Variants in SEMA3D observed in about 807,000 individuals in gnomAD.
SEMA3D encodes semaphorin 3D.
A neutral mutation model predicts 100.1 loss-of-function variants in SEMA3D; 84 were observed. The observed-to-expected ratio is 0.84, with a 90% CI of 0.70 to 1.01. The LOEUF is 1.01. Among genes scored for constraint, SEMA3D ranks in the 50% least tolerant of loss-of-function variants. SEMA3D has a pLI of 0.00. For missense variants in SEMA3D, 875 were observed against 934.1 expected, an observed-to-expected ratio of 0.94 and a Z score of 0.82; for synonymous variants, 312 against 320.7, an observed-to-expected ratio of 0.97 and a Z score of 0.29.
chr7:85,125,195 C>T (rs1263698121), intron 2 of SEMA3D, among the ~76,000 whole-genome samples: 1 of 151,756 alleles, frequency 6.6e-6, no homozygotes, highest in South Asian at 2.1e-4. Context: ...ATGCATGTAA[C>T]GTGAATGTAT....
chr7:85,154,146 G>T (rs904648444), intron 1 of SEMA3D, among the ~76,000 whole-genome samples: 1 of 151,738 alleles, frequency 6.6e-6, no homozygotes, highest in African/African-American at 2.4e-5. Context: ...CTTACTGCTT[G>T]CTTCTGCTTG....
At position 85,036,979 on chromosome 7, in the gene SEMA3D, T is replaced by G. The variant is rs747768203; in HGVS notation, c.1101A>C (p.Ala367=). The part of the protein sequence containing the change: ...VCVYSMADIR[A]VFNGPYAHKE... ...TATGAGCATATGGACCATTAAAAAC[T>G]GCTCTGATGTCAGCCATGCTATACA... Residue 367 remains alanine (A), a synonymous_variant, in exon 12 of 19, where the codon GCA becomes GCC. Transcript: ENST00000284136. 2.5e-6 allele frequency: 4 copies of G among 1,613,348 alleles called. No homozygotes were observed. Among genetic ancestry groups the G allele is most frequent in the Non-Finnish European group, 3.4e-6 (4 of 1,179,598 alleles).
chr7:85,109,990 C>A (rs1038827583), intron 3 of SEMA3D, among the ~76,000 whole-genome samples: 1 of 151,902 alleles, frequency 6.6e-6, no homozygotes, highest in Non-Finnish European at 1.5e-5. Context: ...ACAAACCATG[C>A]CCTTTCTAAA....
chr7:85,083,947 A>T (rs1788142005), intron 4 of SEMA3D, among the ~76,000 whole-genome samples: 1 of 151,696 alleles, frequency 6.6e-6, no homozygotes, highest in Admixed American at 6.6e-5. Flanking sequence ...GGAGATCGAG[A>T]CGATCCTGGC....
the SEMA3D span, among the ~76,000 whole-genome samples, chr7:85,209,392 A>G: frequency 3.3e-5 from 5 of 152,084 alleles, no homozygotes; most frequent in East Asian, 5.8e-4. Context: ...TACATACACA[A>G]TCTGGTCCAC....
intron 1 of SEMA3D, among the ~76,000 whole-genome samples, chr7:85,172,947 C>A (rs1791124294): frequency 6.6e-6 from 1 of 151,970 alleles, no homozygotes; most frequent in African/African-American, 2.4e-5. Flanking sequence ...ATAGTGAGAG[C>A]ATTTAACAAA....
the SEMA3D span, among the ~76,000 whole-genome samples, chr7:85,239,290 C>CATTTA: frequency 6.6e-6 from 1 of 152,092 alleles, no homozygotes; most frequent in African/African-American, 2.4e-5. Flanking sequence ...ATGTCTCCAC[C>CATTTA]CTTGTAAATG....
intron 2 of SEMA3D, chr7:85,141,626 T>C: frequency 1.0e-6 from 1 of 984,560 alleles, no homozygotes; most frequent in Non-Finnish European, 1.2e-6. Context: ...CTGGCACATA[T>C]TCTTTCACCC....
At chr7:85,150,346 A>AATATATATATATATATATATATT (rs1790334910) in intron 2 of SEMA3D, among the ~76,000 whole-genome samples, 20 of 121,232 alleles carry the variant, frequency 1.6e-4, no homozygotes, top group African/African-American at 5.6e-4. Flanking sequence ...CTTTTCTAGA[A>AATATATATATATATATATATATT]ATATATATAT....
At chr7:85,083,742 G>A (rs1483794224) in intron 4 of SEMA3D, among the ~76,000 whole-genome samples, 3 of 151,344 alleles carry the variant, frequency 2.0e-5, no homozygotes, top group African/African-American at 2.4e-5. Flanking sequence ...AGCTACTCGG[G>A]AGGCTGAGGC....
chr7:85,120,153 T>G (rs966193358), intron 3 of SEMA3D, among the ~76,000 whole-genome samples: 1 of 152,070 alleles, frequency 6.6e-6, no homozygotes, highest in Non-Finnish European at 1.5e-5. Context: ...AATAGTTGCT[T>G]CATGTAGTTT....
intron 3 of SEMA3D, among the ~76,000 whole-genome samples, chr7:85,105,069 T>C (rs1788872719): frequency 6.6e-6 from 1 of 152,068 alleles, no homozygotes; most frequent in Admixed American, 6.6e-5. Context: ...GTTTTATCAG[T>C]AGGGCTATTC....
chr7:85,151,814 T>C (rs1790431457), intron 2 of SEMA3D: 1 of 747,236 alleles, frequency 1.3e-6, no homozygotes, highest in Non-Finnish European at 1.6e-6. Context: ...ATTTTAAAAT[T>C]CCAAATTTTA....
At chr7:85,182,908 G>T (rs970937975) in intron 1 of SEMA3D, among the ~76,000 whole-genome samples, 3 of 152,060 alleles carry the variant, frequency 2.0e-5, no homozygotes, top group African/African-American at 4.8e-5. Flanking sequence ...CAAGCCTATG[G>T]CTACTCTTGT....
chr7:85,210,037 A>G, the SEMA3D span, among the ~76,000 whole-genome samples: 1 of 152,048 alleles, frequency 6.6e-6, no homozygotes, highest in South Asian at 2.1e-4. Flanking sequence ...CAACCTCCTC[A>G]TTTACTGATG....
chr7:85,170,928 G>A (rs767262572), intron 1 of SEMA3D, among the ~76,000 whole-genome samples: 7 of 152,002 alleles, frequency 4.6e-5, no homozygotes, highest in Non-Finnish European at 8.8e-5. Flanking sequence ...TCAGGCACCA[G>A]AATAGATTAT....
At chr7:85,084,467 T>C (rs1042132208) in intron 4 of SEMA3D, among the ~76,000 whole-genome samples, 1 of 152,166 alleles carries the variant, frequency 6.6e-6, no homozygotes, top group Non-Finnish European at 1.5e-5. Flanking sequence ...ATCATTGGAC[T>C]GAAAATAGTA....
At chr7:85,189,024 C>T (rs952069355), upstream of SEMA3D, among the ~76,000 whole-genome samples, 6 of 152,130 alleles carry the variant, frequency 3.9e-5, no homozygotes, top group African/African-American at 1.4e-4. Flanking sequence ...GATGCTCAGA[C>T]TTCAAATTTA....
At chr7:85,140,510 C>G in intron 2 of SEMA3D, 3 of 984,058 alleles carry the variant, frequency 3.0e-6, no homozygotes, top group Non-Finnish European at 3.6e-6. Flanking sequence ...AATTGAGACA[C>G]TGTTGATCAT....
Sources: allele counts gnomAD v4.1 joint callset (sites outside exome capture counted in the v4.1 genomes callset), GRCh38; gene constraint gnomAD v4.1.1; transcripts MANE v1.5; gene names NCBI Gene and HGNC (gene_info 2026-07-23, HGNC 2026-07-21).